SEC24D: variants seen among roughly 807,000 people sequenced by gnomAD.
SEC24D encodes the protein protein transport protein Sec24D.
Under a neutral mutation model 116.9 loss-of-function variants are expected in SEC24D, and 69 were observed. The observed-to-expected ratio is 0.59, with a 90% confidence interval of 0.49 to 0.72. The LOEUF is 0.72. SEC24D is among the 30% of genes least tolerant of loss of function. The pLI, the probability that SEC24D is intolerant of heterozygous loss-of-function variation, is 0.00. For missense variants in SEC24D, 1,131 were observed against 1,264.1 expected (o/e 0.89, Z 1.60); for synonymous variants, 405 against 442.8 (o/e 0.91, Z 1.07).
At chr4:118,820,752 T>C (rs1730367604) in intron 3 of SEC24D, among the ~76,000 whole-genome samples, 1 of 152,140 alleles carries the variant, frequency 6.6e-6, no homozygotes, top group Non-Finnish European at 1.5e-5. Flanking sequence ...TTATTCAACA[T>C]GGCTCTGGAC....
chr4:118,756,543 G>A (rs1727106590), intron 11 of SEC24D, among the ~76,000 whole-genome samples: 3 of 152,116 alleles, frequency 2.0e-5, no homozygotes, highest in Non-Finnish European at 4.4e-5. Flanking sequence ...TATGTGCAAA[G>A]AATACAGAGG....
At chr4:118,779,996 CTTCT>C (rs1377945338) in intron 8 of SEC24D, among the ~76,000 whole-genome samples, 7 of 151,876 alleles carry the variant, frequency 4.6e-5, no homozygotes, top group South Asian at 2.1e-4. Context: ...TCTCTCTTTT[CTTCT>C]TTATTAGTCT....
intron 22 of SEC24D, among the ~76,000 whole-genome samples, chr4:118,726,637 A>G (rs1725428456): frequency 6.6e-6 from 1 of 152,200 alleles, no homozygotes; most frequent in African/African-American, 2.4e-5. Flanking sequence ...GGCCAATGGG[A>G]AAGGAATAAT....
At chr4:118,769,023 T>G (rs1404172325) in intron 8 of SEC24D, among the ~76,000 whole-genome samples, 1 of 152,208 alleles carries the variant, frequency 6.6e-6, no homozygotes, top group Non-Finnish European at 1.5e-5. Flanking sequence ...TTGGGCCTGA[T>G]TTAAAAAGTT....
intron 8 of SEC24D, among the ~76,000 whole-genome samples, chr4:118,795,143 C>T (rs1729116524): frequency 6.6e-6 from 1 of 151,046 alleles, no homozygotes. Flanking sequence ...AATTGACTTT[C>T]AAAAGAAAAG....
chr4:118,832,534 G>C (rs1238769365), intron 2 of SEC24D, among the ~76,000 whole-genome samples: 1 of 152,108 alleles, frequency 6.6e-6, no homozygotes, highest in East Asian at 1.9e-4. Context: ...GAATAATATA[G>C]AGTGTTATAC....
intron 8 of SEC24D, among the ~76,000 whole-genome samples, chr4:118,794,582 T>C (rs1340918421): frequency 1.3e-5 from 2 of 152,222 alleles, no homozygotes; most frequent in Non-Finnish European, 2.9e-5. Context: ...TAGAAGTATC[T>C]TCTGTTTATG....
intron 8 of SEC24D, among the ~76,000 whole-genome samples, chr4:118,777,091 A>ATTT: frequency 1.5e-5 from 2 of 132,300 alleles, no homozygotes; most frequent in Admixed American, 1.6e-4. Flanking sequence ...TGAAGGTCTG[A>ATTT]ATTATTTATT....
At chr4:118,826,406 T>C (rs1161690640) in intron 2 of SEC24D, among the ~76,000 whole-genome samples, 1 of 152,230 alleles carries the variant, frequency 6.6e-6, no homozygotes. Context: ...AAACAGCTGT[T>C]TCATCTTCCC....
At chr4:118,800,140 G>A (rs780687494) in intron 7 of SEC24D, among the ~76,000 whole-genome samples, 17 of 152,158 alleles carry the variant, frequency 1.1e-4, no homozygotes, top group Non-Finnish European at 1.9e-4. Flanking sequence ...GGGGGTCCAC[G>A]TGGTGGTGGG....
intron 2 of SEC24D, among the ~76,000 whole-genome samples, chr4:118,825,838 C>T (rs999752994): frequency 2.6e-5 from 4 of 152,094 alleles, no homozygotes; most frequent in African/African-American, 9.7e-5. Context: ...CTTTTGACTT[C>T]GTCATAGTAT....
At chr4:118,767,922 T>C (rs1480182559) in intron 9 of SEC24D, among the ~76,000 whole-genome samples, 1 of 152,182 alleles carries the variant, frequency 6.6e-6, no homozygotes, top group Non-Finnish European at 1.5e-5. Flanking sequence ...AGAAATAAAA[T>C]TTTTCCCCCT....
intron 4 of SEC24D, chr4:118,816,730 T>C (rs3775839): frequency 0.38 from 165,055 of 434,634 alleles, 34,887 homozygotes; most frequent in Admixed American, 0.55. Flanking sequence ...ACAGTGGAGC[T>C]TTCCATGACT....
intron 2 of SEC24D, among the ~76,000 whole-genome samples, chr4:118,827,852 T>C (rs1730648547): frequency 1.3e-5 from 2 of 152,190 alleles, no homozygotes. Flanking sequence ...ATCAGCAAAG[T>C]AACACTGACC....
Position 118,752,094 on chromosome 4 carries a change from A to C in SEC24D, c.1614-5T>G. 1 of 1,567,118 alleles carries C rather than the reference A, an allele frequency of 6.4e-7. No individual in the cohort carries two copies. The highest frequency in any genetic ancestry group is 1.1e-5 in the South Asian group (1 of 88,682). ...TCTGGAATCTGGTCCAACAAACTAT[A>C]AGACATGAGTAAGCAAAAGGTTTGA... On this transcript the variant is annotated splice_region_variant and splice_polypyrimidine_tract_variant and intron_variant, in intron 12 of 22. Coordinates refer to ENST00000280551, the MANE Select transcript of SEC24D (RefSeq NM_014822.4).
chr4:118,787,060 C>A (rs1453521934), intron 8 of SEC24D, among the ~76,000 whole-genome samples: 1 of 152,142 alleles, frequency 6.6e-6, no homozygotes, highest in Non-Finnish European at 1.5e-5. Flanking sequence ...TACACATGTG[C>A]TATAAGGCTA....
intron 8 of SEC24D, among the ~76,000 whole-genome samples, chr4:118,785,140 T>G (rs1728614455): frequency 6.6e-6 from 1 of 152,198 alleles, no homozygotes; most frequent in Non-Finnish European, 1.5e-5. Flanking sequence ...CTTTCTTATC[T>G]ACTTTGTAAC....
intron 13 of SEC24D, among the ~76,000 whole-genome samples, chr4:118,751,176 C>CTTTTTTT (rs1185148886): frequency 5.8e-4 from 58 of 100,318 alleles, no homozygotes; most frequent in African/African-American, 1.7e-3. Context: ...AGAGTGAGGG[C>CTTTTTTT]TTTTTTTTTT....
chr4:118,737,769 G>C (rs773417401), intron 19 of SEC24D, among the ~76,000 whole-genome samples: 2 of 151,086 alleles, frequency 1.3e-5, no homozygotes, highest in Non-Finnish European at 2.9e-5. Context: ...AGATGATGGA[G>C]AGAGTCAATT....
Sources: allele counts gnomAD v4.1 joint callset (sites outside exome capture counted in the v4.1 genomes callset), GRCh38; gene constraint gnomAD v4.1.1; transcripts MANE v1.5; gene names NCBI Gene and HGNC (gene_info 2026-07-23, HGNC 2026-07-21).